Variants in LRGUK observed in about 807,000 individuals in gnomAD.
LRGUK encodes leucine rich repeats and guanylate kinase domain containing, also known as leucine-rich repeat and guanylate kinase domain-containing protein.
A neutral mutation model predicts 76.0 loss-of-function variants in LRGUK; 65 were observed. The ratio of observed to expected loss-of-function variants is 0.85; its 90% CI spans 0.70 to 1.05. The LOEUF (loss-of-function observed/expected upper bound fraction) is 1.05. Ranked by LOEUF, LRGUK falls within the 50% of genes least tolerant of loss-of-function variation. The pLI is 0.00. For missense variants in LRGUK, 758 were observed against 732.8 expected (o/e 1.03, Z -0.40); for synonymous variants, 268 against 265.6 (o/e 1.01, Z -0.09).
At chr7:134,183,933 C>A in intron 11 of LRGUK, 80 bp downstream of exon 11, 1 of 1,506,386 alleles carries the variant, frequency 6.6e-7, no homozygotes, top group Non-Finnish European at 9.1e-7. Flanking sequence ...GTAAAATCTC[C>A]GATATTGCTA....
At chr7:134,175,037 T>G (rs1461107734) in intron 8 of LRGUK, among the ~76,000 whole-genome samples, 9 of 152,226 alleles carry the variant, frequency 5.9e-5, no homozygotes, top group Admixed American at 5.9e-4. Flanking sequence ...TGGTTCCTAT[T>G]CTATAACAGG....
chr7:134,180,372 A>G (rs1353172373), intron 10 of LRGUK, among the ~76,000 whole-genome samples: 1 of 152,102 alleles, frequency 6.6e-6, no homozygotes, highest in South Asian at 2.1e-4. Context: ...TGTTCTATCT[A>G]TATCTATCTG....
chr7:134,262,336 T>C (rs1321728370), intron 19 of LRGUK, among the ~76,000 whole-genome samples: 1 of 152,216 alleles, frequency 6.6e-6, no homozygotes, highest in Admixed American at 6.5e-5. Context: ...ATTGTGCCAC[T>C]GCACTCCAGG....
intron 16 of LRGUK, among the ~76,000 whole-genome samples, chr7:134,226,743 CCTAT>C (rs1801773925): frequency 6.6e-6 from 1 of 152,152 alleles, no homozygotes; most frequent in African/African-American, 2.4e-5. Context: ...AATAATAATA[CCTAT>C]CTTACAATGT....
intron 7 of LRGUK, among the ~76,000 whole-genome samples, chr7:134,166,217 A>G (rs1798976924): frequency 6.6e-6 from 1 of 152,074 alleles, no homozygotes; most frequent in South Asian, 2.1e-4. Context: ...TTTTATTGGT[A>G]GCACTTCATC....
At chr7:134,135,891 T>C (rs1293828472) in intron 1 of LRGUK, among the ~76,000 whole-genome samples, 49 of 152,204 alleles carry the variant, frequency 3.2e-4, no homozygotes, top group Non-Finnish European at 5.1e-4. Context: ...CTCCTGACCT[T>C]GCGAACCGCC....
intron 11 of LRGUK, among the ~76,000 whole-genome samples, chr7:134,187,322 G>C (rs1447179872): frequency 6.6e-6 from 1 of 152,166 alleles, no homozygotes; most frequent in African/African-American, 2.4e-5. Context: ...CGTGCATAGA[G>C]AGTCTCATGG....
exon 7 of LRGUK, chr7:134,163,477 A>G (rs757726832): frequency 8.7e-6 from 14 of 1,613,882 alleles, no homozygotes; most frequent in Non-Finnish European, 1.2e-5. Flanking sequence ...ACAATCAGAT[A>G]AGCAGCCTCC....
chr7:134,231,748 C>T (rs923128528), intron 16 of LRGUK, among the ~76,000 whole-genome samples: 3 of 135,964 alleles, frequency 2.2e-5, no homozygotes, highest in Admixed American at 7.4e-5. Context: ...TCCTCCCGTT[C>T]TCCCTCTCTT....
chr7:134,228,606 T>C (rs1006993057), intron 16 of LRGUK, among the ~76,000 whole-genome samples: 2 of 152,170 alleles, frequency 1.3e-5, no homozygotes, highest in African/African-American at 4.8e-5. Flanking sequence ...GTAAAGATGG[T>C]AAATTATATG....
chr7:134,134,638 T>C (rs1480330199), intron 1 of LRGUK, among the ~76,000 whole-genome samples: 1 of 152,194 alleles, frequency 6.6e-6, no homozygotes, highest in Non-Finnish European at 1.5e-5. Context: ...GAGGATGCAG[T>C]GTCTTCATAG....
At chr7:134,176,803 G>A (rs566947790) in intron 8 of LRGUK, among the ~76,000 whole-genome samples, 174 bp from the exon 9 acceptor site, 17 of 152,336 alleles carry the variant, frequency 1.1e-4, no homozygotes, top group African/African-American at 3.4e-4. Context: ...GGCACAGTCT[G>A]CATTGAGTTA....
At chr7:134,150,896 A>G (rs933301418) in intron 5 of LRGUK, among the ~76,000 whole-genome samples, 1 of 152,216 alleles carries the variant, frequency 6.6e-6, no homozygotes. Context: ...TAATTATTAC[A>G]TCAAAACCAA....
chr7:134,163,042 T>C (rs1798816805), intron 6 of LRGUK, among the ~76,000 whole-genome samples: 2 of 152,200 alleles, frequency 1.3e-5, no homozygotes, highest in South Asian at 4.1e-4. Context: ...TTACATTAAA[T>C]TTATGTTTCT....
At chr7:134,191,468 C>T (rs765533672) in intron 11 of LRGUK, among the ~76,000 whole-genome samples, 187 bp from the exon 12 acceptor site, 8 of 152,106 alleles carry the variant, frequency 5.3e-5, no homozygotes, top group Non-Finnish European at 7.4e-5. Flanking sequence ...TTTGTATAAT[C>T]TTTATAGATG....
At chr7:134,198,079 G>T (rs1393244275) in intron 13 of LRGUK, among the ~76,000 whole-genome samples, 2 of 58,014 alleles carry the variant, frequency 3.4e-5, no homozygotes, top group Non-Finnish European at 1.2e-4. Context: ...TCTTTGTGTT[G>T]GTATAAGTGT....
intron 15 of LRGUK, among the ~76,000 whole-genome samples, chr7:134,207,858 G>C (rs1801072061): frequency 6.6e-6 from 1 of 152,144 alleles, no homozygotes; most frequent in African/African-American, 2.4e-5. Flanking sequence ...GATGGTATTT[G>C]GGCCCCCAGA....
Position 134,174,439 on chromosome 7 carries a change from A to G in LRGUK, c.940-117A>G, listed in dbSNP as rs981857374. ...TGGAATTCTCATTAAAAAGCTAGAC[A>G]GAGCAATTTTTAAAATAAGTTGAAT... On this transcript the variant is annotated intron_variant, in intron 7 of 15. Transcript: ENST00000645682. 1.8e-5 allele frequency: 12 copies of G among 664,822 alleles called. No individual in the cohort carries two copies. The African/African-American group carries it at 2.2e-4, about 12-fold the overall frequency. The allele number at this position is 664,822 out of a possible 1,614,324, so 41.2% of individuals were successfully genotyped here.
intron 16 of LRGUK, among the ~76,000 whole-genome samples, chr7:134,241,314 C>T (rs1245699705): frequency 1.9e-4 from 29 of 151,964 alleles, no homozygotes; most frequent in Admixed American, 5.9e-4. Context: ...ACCCATCTCA[C>T]GTGCAGAGAC....
Sources: allele counts gnomAD v4.1 joint callset (sites outside exome capture counted in the v4.1 genomes callset), GRCh38; gene constraint gnomAD v4.1.1; transcripts MANE v1.5; gene names NCBI Gene and HGNC (gene_info 2026-07-23, HGNC 2026-07-21).